The following KCNMB4 variants were observed in gnomAD, a reference collection of about 807,000 sequenced individuals.
KCNMB4 encodes the protein calcium-activated potassium channel subunit beta-4.
Under a neutral mutation model 20.7 loss-of-function variants are expected in KCNMB4, and 3 were observed. That is an observed-to-expected ratio of 0.14 (90% CI 0.07 to 0.37). The LOEUF (loss-of-function observed/expected upper bound fraction) is 0.37, where lower values mean the gene tolerates loss of function less well. KCNMB4 is among the 10% of genes least tolerant of loss of function. KCNMB4 has a pLI of 1.00. For missense variants in KCNMB4, 168 were observed against 265.9 expected, an observed-to-expected ratio of 0.63 and a Z score of 2.56; for synonymous variants, 110 against 113.4, an observed-to-expected ratio of 0.97 and a Z score of 0.19.
intron 2 of KCNMB4, among the ~76,000 whole-genome samples, chr12:70,427,984 A>T (rs1026896169): frequency 3.9e-5 from 6 of 152,106 alleles, no homozygotes; most frequent in African/African-American, 1.2e-4. Flanking sequence ...CAAGTCCCTC[A>T]CCCTGAATCC....
At chr12:70,373,061 G>A (rs1883626774) in intron 1 of KCNMB4, among the ~76,000 whole-genome samples, 1 of 152,134 alleles carries the variant, frequency 6.6e-6, no homozygotes, top group Admixed American at 6.5e-5. Context: ...CATAGAATGA[G>A]GTCTTGGGGG....
At chr12:70,411,875 G>T (rs1483478870) in intron 2 of KCNMB4, among the ~76,000 whole-genome samples, 1 of 152,206 alleles carries the variant, frequency 6.6e-6, no homozygotes, top group African/African-American at 2.4e-5. Context: ...TGTCTTAAGG[G>T]CAGTGGAGGA....
chr12:70,426,384 A>C (rs1430231910), intron 2 of KCNMB4, among the ~76,000 whole-genome samples: 1 of 152,202 alleles, frequency 6.6e-6, no homozygotes, highest in Non-Finnish European at 1.5e-5. Context: ...ATTGCATTTC[A>C]TATTTCATTT....
At chr12:70,383,184 C>T (rs572288069) in intron 1 of KCNMB4, among the ~76,000 whole-genome samples, 40 of 152,226 alleles carry the variant, frequency 2.6e-4, no homozygotes, top group African/African-American at 9.1e-4. Flanking sequence ...AGGTGATGGA[C>T]GTGCTAATTA....
intron 2 of KCNMB4, among the ~76,000 whole-genome samples, chr12:70,407,935 A>G (rs1593340290): frequency 6.6e-6 from 1 of 152,216 alleles, no homozygotes; most frequent in African/African-American, 2.4e-5. Context: ...GGAAATTACA[A>G]GGGTTTTACA....
At chr12:70,398,543 T>C (rs372207574) in intron 1 of KCNMB4, among the ~76,000 whole-genome samples, 1 of 152,180 alleles carries the variant, frequency 6.6e-6, no homozygotes, top group African/African-American at 2.4e-5. Flanking sequence ...CATTCAGTGA[T>C]TCAATCATTA....
At chr12:70,397,189 C>T (rs1432948900) in intron 1 of KCNMB4, among the ~76,000 whole-genome samples, 1 of 152,012 alleles carries the variant, frequency 6.6e-6, no homozygotes, top group Non-Finnish European at 1.5e-5. Flanking sequence ...CAGACACCTT[C>T]TCTACAAAAA....
chr12:70,406,345 G>A (rs9634299), intron 2 of KCNMB4, among the ~76,000 whole-genome samples: 10,899 of 152,160 alleles, frequency 0.072, 621 homozygotes, highest in East Asian at 0.28. Flanking sequence ...CCTATGACTG[G>A]AAAAAGGCTT....
rs769440472 is a variant in KCNMB4, at chr12:70,367,048, A to G, written c.314A>G (p.His105Arg). 4.5e-6 allele frequency: 7 copies of G among 1,547,168 alleles called. No homozygotes were observed. The highest frequency in any genetic ancestry group is 6.1e-6 in the Non-Finnish European group (7 of 1,140,688). Residue 105 changes from histidine (H) to arginine (R), a missense_variant, in exon 1 of 3, where the codon CAC becomes CGC. Transcript: ENST00000258111. ...NSRALLHSDEHQLLTNPKCSY... is the reference protein window; with the variant it reads ...NSRALLHSDERQLLTNPKCSY... ...AGGGCGCTGCTGCACAGCGACGAGC[A>G]CCAGCTCCTGACCAACCCCAAGGTA...
intron 1 of KCNMB4, among the ~76,000 whole-genome samples, chr12:70,392,291 G>A (rs1868306241): frequency 6.6e-6 from 1 of 152,164 alleles, no homozygotes; most frequent in African/African-American, 2.4e-5. Flanking sequence ...TCTCACACCA[G>A]TTAGAATGGC....
At chr12:70,410,802 CAAA>C (rs569688767) in intron 2 of KCNMB4, among the ~76,000 whole-genome samples, 214 of 151,104 alleles carry the variant, frequency 1.4e-3, no homozygotes, top group African/African-American at 5.0e-3. Flanking sequence ...AACAACAACA[CAAA>C]AAAAAGGAAG....
At chr12:70,420,215 C>A (rs188923539) in intron 2 of KCNMB4, among the ~76,000 whole-genome samples, 220 of 152,290 alleles carry the variant, frequency 1.4e-3, no homozygotes, top group Non-Finnish European at 2.5e-3. Flanking sequence ...GTTTATGGTA[C>A]TGTGGCTGTC....
At chr12:70,397,204 G>A (rs1352398748) in intron 1 of KCNMB4, among the ~76,000 whole-genome samples, 1 of 152,028 alleles carries the variant, frequency 6.6e-6, no homozygotes, top group Non-Finnish European at 1.5e-5. Flanking sequence ...CAAAAAATTA[G>A]CTGGGTGTGG....
At chr12:70,404,693 T>C (rs934286386) in intron 2 of KCNMB4, among the ~76,000 whole-genome samples, 2 of 152,126 alleles carry the variant, frequency 1.3e-5, no homozygotes, top group Non-Finnish European at 1.5e-5. Flanking sequence ...TTAATGACAA[T>C]GTAAGTGATA....
At chr12:70,396,332 T>A (rs79237130) in intron 1 of KCNMB4, among the ~76,000 whole-genome samples, 21,991 of 152,128 alleles carry the variant, frequency 0.14, 1,700 homozygotes, top group Middle Eastern at 0.27. Context: ...TTAGACAGAG[T>A]CTTGCTCTGT....
At chr12:70,386,504 A>G (rs1868258153) in intron 1 of KCNMB4, among the ~76,000 whole-genome samples, 1 of 152,064 alleles carries the variant, frequency 6.6e-6, no homozygotes, top group Admixed American at 6.5e-5. Context: ...TGCAGAAAAG[A>G]AATGTTCATT....
chr12:70,399,869 T>C (rs1868407192), intron 1 of KCNMB4, among the ~76,000 whole-genome samples: 1 of 152,180 alleles, frequency 6.6e-6, no homozygotes, highest in South Asian at 2.1e-4. Flanking sequence ...AAATAAACTT[T>C]TTTATGCCTC....
At chr12:70,381,416 A>T (rs1883783913) in intron 1 of KCNMB4, among the ~76,000 whole-genome samples, 1 of 152,210 alleles carries the variant, frequency 6.6e-6, no homozygotes, top group Non-Finnish European at 1.5e-5. Flanking sequence ...TCCATGCAGA[A>T]ACTTTGTACA....
intron 2 of KCNMB4, among the ~76,000 whole-genome samples, chr12:70,404,471 A>G (rs369376473): frequency 3.9e-5 from 6 of 152,370 alleles, no homozygotes; most frequent in African/African-American, 1.4e-4. Context: ...TAACATATGA[A>G]TAAATTGCAT....
Sources: gnomAD v4.1 joint callset for allele counts (sites outside exome capture counted in the v4.1 genomes callset) on GRCh38, gnomAD v4.1.1 for gene constraint, MANE v1.5 for transcripts, NCBI Gene and HGNC (gene_info 2026-07-23, HGNC 2026-07-21) for gene names.